The following VDAC1 variants were observed in gnomAD, a reference collection of about 807,000 sequenced individuals.
VDAC1 encodes the protein voltage dependent anion channel 1.
VDAC1 carries 10 observed loss-of-function variants against 34.7 expected under a neutral mutation model. The observed-to-expected ratio is 0.29, with a 90% CI of 0.18 to 0.49. VDAC1 has a LOEUF of 0.49. VDAC1 is among the 20% of genes least tolerant of loss of function. VDAC1 has a pLI of 0.99. For synonymous variants in VDAC1, 130 were observed against 136.0 expected (o/e 0.96, Z 0.30); for missense variants, 230 against 347.9 (o/e 0.66, Z 2.69).
chr5:134,004,220 G>C (rs1180939276), intron 1 of VDAC1, among the ~76,000 whole-genome samples: 6 of 151,988 alleles, frequency 3.9e-5, no homozygotes, highest in African/African-American at 1.4e-4. Flanking sequence ...GCACCCGCCC[G>C]CTGGCCTGGT....
Position 133,976,166 on chromosome 5 carries a change from A to T in VDAC1, c.552-145T>A. On this transcript the variant is annotated intron_variant, in intron 6 of 8. Coordinates refer to ENST00000265333, the MANE Select transcript of VDAC1 (RefSeq NM_003374.3). ...ATTAAGGGAAGTCAGAAGTTCACCA[A>T]ATTTCACAAAACAGGTACTAAATTA... 7.4e-6 allele frequency: 7 copies of T among 945,262 alleles called. No homozygotes were observed. In the South Asian group the frequency reaches 9.9e-5, roughly 13 times the overall value. The allele number at this position is 945,262 out of a possible 1,614,324, so 58.6% of individuals were successfully genotyped here.
chr5:134,009,010 C>T (rs1753794358), upstream of VDAC1, among the ~76,000 whole-genome samples: 1 of 151,964 alleles, frequency 6.6e-6, no homozygotes, highest in Non-Finnish European at 1.5e-5. Context: ...TTCTGAGTGA[C>T]AGCAGTAATC....
the VDAC1 span, among the ~76,000 whole-genome samples, chr5:134,020,608 T>A: frequency 6.6e-6 from 1 of 152,190 alleles, no homozygotes; most frequent in Non-Finnish European, 1.5e-5. Flanking sequence ...TCAAAAGGTA[T>A]ATAAACATGC....
At chr5:133,988,338 G>C (rs986263424) in intron 5 of VDAC1, among the ~76,000 whole-genome samples, 2 of 151,702 alleles carry the variant, frequency 1.3e-5, no homozygotes, top group Non-Finnish European at 2.9e-5. Flanking sequence ...TGTAAACCCG[G>C]CACTTTGGGA....
the VDAC1 span, among the ~76,000 whole-genome samples, chr5:134,080,662 C>T: frequency 6.6e-6 from 1 of 152,206 alleles, no homozygotes; most frequent in African/African-American, 2.4e-5. Flanking sequence ...TCTTACCACC[C>T]ACCAGACTGG....
the VDAC1 span, among the ~76,000 whole-genome samples, chr5:134,073,912 C>T: frequency 5.3e-5 from 8 of 152,074 alleles, no homozygotes; most frequent in African/African-American, 1.9e-4. Flanking sequence ...ACACATCCAA[C>T]CAATAACCCT....
At chr5:133,981,234 C>T (rs1290927032) in intron 5 of VDAC1, among the ~76,000 whole-genome samples, 1 of 152,150 alleles carries the variant, frequency 6.6e-6, no homozygotes, top group Non-Finnish European at 1.5e-5. Context: ...CTCCTATCCT[C>T]TTTGTATGCT....
At chr5:134,018,137 C>T in the VDAC1 span, among the ~76,000 whole-genome samples, 10 of 152,232 alleles carry the variant, frequency 6.6e-5, no homozygotes, top group Admixed American at 3.9e-4. Context: ...AAGCATGGTG[C>T]GGGCATCTGC....
At chr5:134,027,438 C>A in the VDAC1 span, among the ~76,000 whole-genome samples, 9 of 152,160 alleles carry the variant, frequency 5.9e-5, no homozygotes, top group African/African-American at 1.9e-4. Flanking sequence ...AGCGACAGCC[C>A]CTCCCTGCCT....
chr5:134,102,165 C>T, the VDAC1 span, among the ~76,000 whole-genome samples: 6 of 152,052 alleles, frequency 3.9e-5, no homozygotes, highest in African/African-American at 1.2e-4. Context: ...ATCCAGCCAC[C>T]AGGGGGGGTC....
chr5:133,975,886 A>C lies in VDAC1; in HGVS notation c.687T>G (p.Pro229=). 1.9e-6 allele frequency: 3 copies of C among 1,610,700 alleles called. No individual in the cohort carries two copies. The South Asian group carries it at 3.3e-5, about 18-fold the overall frequency. ...AGATACCCACCGAGAAGCAGGCGTC[A>C]GGGTCAATCTGATACTTGGCTGCTA... ...FGIAAKYQID[P]DACFSAKVNN... is the part of the protein sequence containing the mutation. The change falls in exon 7 of 9, where the codon CCT becomes CCG. Residue 229 remains proline, a synonymous_variant. Coordinates refer to ENST00000265333, the MANE Select transcript of VDAC1 (RefSeq NM_003374.3).
intron 1 of VDAC1, among the ~76,000 whole-genome samples, chr5:133,997,695 G>C (rs531579405): frequency 8.0e-6 from 1 of 125,414 alleles, no homozygotes. Context: ...ATGACAGAGC[G>C]AGACTGTCTC....
At chr5:134,083,589 C>T in the VDAC1 span, among the ~76,000 whole-genome samples, 1 of 152,228 alleles carries the variant, frequency 6.6e-6, no homozygotes, top group East Asian at 1.9e-4. Flanking sequence ...GCTCTAAGCG[C>T]TACGTCAAAG....
the VDAC1 span, among the ~76,000 whole-genome samples, chr5:134,094,233 C>A: frequency 6.6e-6 from 1 of 152,370 alleles, no homozygotes; most frequent in East Asian, 1.9e-4. Flanking sequence ...GCGTTCCAGG[C>A]AGCTCTGGGC....
the VDAC1 span, among the ~76,000 whole-genome samples, chr5:134,016,925 C>T: frequency 2.0e-5 from 3 of 152,322 alleles, no homozygotes; most frequent in Admixed American, 6.5e-5. Context: ...CAGACTATGT[C>T]AGCCACAAGG....
At chr5:134,055,647 T>C in the VDAC1 span, among the ~76,000 whole-genome samples, 73,948 of 137,908 alleles carry the variant, frequency 0.54, 21,202 homozygotes, top group East Asian at 0.67. Context: ...ACCGTGGTCT[T>C]GATCTCCTGA....
At chr5:133,979,451 A>G (rs1275310691) in intron 6 of VDAC1, among the ~76,000 whole-genome samples, 9 of 40,996 alleles carry the variant, frequency 2.2e-4, no homozygotes, top group Admixed American at 9.8e-4. Flanking sequence ...TTTTTTTGAG[A>G]CGGAGTCTTG....
chr5:134,041,802 C>G, the VDAC1 span, among the ~76,000 whole-genome samples: 1 of 152,146 alleles, frequency 6.6e-6, no homozygotes, highest in Non-Finnish European at 1.5e-5. Flanking sequence ...TCCCTGGGAG[C>G]AGGGCCCACC....
chr5:134,063,292 A>G, the VDAC1 span, among the ~76,000 whole-genome samples: 1 of 152,198 alleles, frequency 6.6e-6, no homozygotes, highest in South Asian at 2.1e-4. Context: ...CTCCGTTCCA[A>G]CATCCAGTGT....
Sources: gnomAD v4.1 joint callset for allele counts (sites outside exome capture counted in the v4.1 genomes callset) on GRCh38, gnomAD v4.1.1 for gene constraint, MANE v1.5 for transcripts, NCBI Gene and HGNC (gene_info 2026-07-23, HGNC 2026-07-21) for gene names.